Variants in TPCN1 observed in about 807,000 individuals in gnomAD.
TPCN1 encodes the protein two pore channel protein 1.
TPCN1 carries 52 observed loss-of-function variants against 108.8 expected under a neutral mutation model. The observed-to-expected ratio is 0.48, with a 90% CI of 0.38 to 0.60. The LOEUF is 0.60. TPCN1 is among the 20% of genes least tolerant of loss of function. TPCN1 has a pLI of 0.00. For missense variants in TPCN1, 806 were observed against 1,072.8 expected (o/e 0.75, Z 3.47); for synonymous variants, 446 against 433.7 (o/e 1.03, Z -0.35).
intron 15 of TPCN1, among the ~76,000 whole-genome samples, chr12:113,283,274 A>G (rs1955955484): frequency 6.6e-6 from 1 of 152,222 alleles, no homozygotes; most frequent in Non-Finnish European, 1.5e-5. Context: ...AAACAATAGC[A>G]TATTTTATGC....
chr12:113,291,473 C>T, intron 23 of TPCN1, 136 bp from the exon 24 acceptor site: 1 of 741,926 alleles, frequency 1.3e-6, no homozygotes. Flanking sequence ...GGGCAAGCTT[C>T]CTCTCCTCCA....
chr12:113,288,121 G>T lies in TPCN1; in HGVS notation c.1635-42G>T. The T allele has an allele frequency of 1.3e-6, 2 of 1,573,466 alleles. No individual in the cohort carries two copies. Among genetic ancestry groups the T allele is most frequent in the South Asian group, 1.1e-5 (1 of 87,788 alleles). Reference sequence around the variant, plus strand: ...ATGTTCTGAGGGCGGGGGCTGAGGCGTGCACCTGTGTGTGGAGGTGACGGG... The same window carrying T: ...ATGTTCTGAGGGCGGGGGCTGAGGCTTGCACCTGTGTGTGGAGGTGACGGG... On this transcript the variant is annotated intron_variant, in intron 19 of 27. Coordinates refer to ENST00000335509, the MANE Select transcript of TPCN1 (RefSeq NM_017901.6). The surrounding 1 kb of genome is among the most constrained non-coding windows in gnomAD (Gnocchi z 4.8).
chr12:113,279,386 TATA>T (rs1179449632), intron 14 of TPCN1, among the ~76,000 whole-genome samples: 50 of 44,794 alleles, frequency 1.1e-3, no homozygotes, highest in African/African-American at 4.1e-3. Context: ...TATATATATA[TATA>T]TATTTTTTTT....
chr12:113,239,488 C>T (rs1954021666), intron 2 of TPCN1, among the ~76,000 whole-genome samples: 1 of 152,196 alleles, frequency 6.6e-6, no homozygotes, highest in African/African-American at 2.4e-5. Flanking sequence ...CTCTTCTACA[C>T]ATATTCTGGG....
intron 1 of TPCN1, among the ~76,000 whole-genome samples, chr12:113,224,085 A>G (rs957628297): frequency 7.9e-5 from 12 of 152,214 alleles, no homozygotes; most frequent in Admixed American, 4.6e-4. Context: ...ATGAGCAAGT[A>G]TATATTGATG....
rs1953216128 is a variant in TPCN1, at chr12:113,221,470, G to A, written c.-282G>A. The A allele has an allele frequency of 6.0e-6, 2 of 335,928 alleles. No individual in the cohort carries two copies. Among genetic ancestry groups the A allele is most frequent in the East Asian group, 7.7e-5 (1 of 12,950 alleles). 20.8% of individuals were successfully genotyped at this position (335,928 alleles called of 1,614,324 possible). A position where few individuals can be genotyped will look rare whatever the true frequency, so the allele number is the denominator to read the frequency against. ...CGGTAGGCGGTGGATAGGAGAGCTGGCGCAGCTGCCCTGGTGGCAGTGGCT... is the reference window on the plus strand; with the variant it reads ...CGGTAGGCGGTGGATAGGAGAGCTGACGCAGCTGCCCTGGTGGCAGTGGCT... On this transcript the variant is annotated 5_prime_UTR_variant, in exon 1 of 28. Coordinates refer to ENST00000335509, the MANE Select transcript of TPCN1 (RefSeq NM_017901.6).
chr12:113,282,082 G>A (rs1378587005), intron 15 of TPCN1, among the ~76,000 whole-genome samples: 6 of 140,422 alleles, frequency 4.3e-5, no homozygotes, highest in Non-Finnish European at 6.1e-5. Flanking sequence ...CACCACACCC[G>A]GCTAATTTTT....
Position 113,269,735 on chromosome 12 carries a change from G to T in TPCN1, c.660-22G>T. On this transcript the variant is annotated intron_variant, in intron 6 of 27. Coordinates refer to ENST00000335509, the MANE Select transcript of TPCN1 (RefSeq NM_017901.6). This position sits in a 1 kb window ranked among gnomAD's most constrained non-coding sequence, Gnocchi z 5.0. ...GCCCGCCCCAGCTGGTGCCTCCCCT[G>T]AGCTGGCCCATCTCTCCCCAGCAAC... The T allele has an allele frequency of 6.2e-7, 1 of 1,610,696 alleles. No individual in the cohort carries two copies.
At position 113,268,198 on chromosome 12, in the gene TPCN1, G is replaced by A. The variant is rs765748630; in HGVS notation, c.528+242G>A. Among the ~76,000 whole-genome samples the A allele has an allele frequency of 2.0e-5, 3 of 152,220 alleles. No individual in the cohort carries two copies. The highest frequency in any genetic ancestry group is 6.5e-5 in the Admixed American group (1 of 15,290). ...GCCAGGCACTGGCGCAGTCACCTTC[G>A]AGAGAGATGTGCTGCTCTCCGTGGT... On this transcript the variant is annotated intron_variant, in intron 5 of 27. Transcript: ENST00000335509. This position sits in a 1 kb window ranked among gnomAD's most constrained non-coding sequence, Gnocchi z 7.3.
intron 2 of TPCN1, 22 bp downstream of exon 2, chr12:113,226,986 G>T (rs758623586): frequency 6.3e-7 from 1 of 1,596,122 alleles, no homozygotes; most frequent in East Asian, 2.2e-5. Context: ...GGGTGGGCTG[G>T]GGGGACCCCA....
At chr12:113,291,993 T>A in intron 25 of TPCN1, 35 bp downstream of exon 25, 1 of 1,577,764 alleles carries the variant, frequency 6.3e-7, no homozygotes, top group Non-Finnish European at 8.7e-7. Context: ...GCATTTGATA[T>A]CTGCCGCCTA....
chr12:113,266,075 C>T lies in TPCN1; in HGVS notation c.238-105C>T. 2 of 1,266,644 alleles carry T rather than the reference C, an allele frequency of 1.6e-6. No homozygotes were observed. The highest frequency in any genetic ancestry group is 2.2e-6 in the Non-Finnish European group (2 of 896,482). 78.5% of individuals were successfully genotyped at this position (1,266,644 alleles called of 1,614,324 possible). ...CATCTTCTGTCTCTGGCCTGAATCTCTCCTCGCCTGCCTGGGGCCTTCCTT... is the reference window on the plus strand; with the variant it reads ...CATCTTCTGTCTCTGGCCTGAATCTTTCCTCGCCTGCCTGGGGCCTTCCTT... On this transcript the variant is annotated intron_variant, in intron 3 of 27. Coordinates refer to ENST00000335509, the MANE Select transcript of TPCN1 (RefSeq NM_017901.6). The surrounding 1 kb of genome is among the most constrained non-coding windows in gnomAD (Gnocchi z 4.2).
intron 19 of TPCN1, among the ~76,000 whole-genome samples, chr12:113,287,595 G>T (rs1475846121): frequency 6.6e-6 from 1 of 152,208 alleles, no homozygotes; most frequent in African/African-American, 2.4e-5. Context: ...TGCCCTCAGA[G>T]CCTGGGCTTG....
intron 2 of TPCN1, among the ~76,000 whole-genome samples, chr12:113,252,099 C>CCA (rs1954659298): frequency 6.6e-6 from 1 of 152,094 alleles, no homozygotes; most frequent in African/African-American, 2.4e-5. Flanking sequence ...CTTGGTCCTT[C>CCA]CTGTCTCAGT....
Position 113,273,583 on chromosome 12 carries a change from T to A in TPCN1, c.857T>A (p.Met286Lys). 6.2e-7 allele frequency: 1 copy of A among 1,614,142 alleles called. No homozygotes were observed. Among genetic ancestry groups the A allele is most frequent in the Non-Finnish European group, 8.5e-7 (1 of 1,179,982 alleles). Residue 286 changes from methionine (M) to lysine (K), a missense_variant, in exon 10 of 28, where the codon ATG becomes AAG. Met to Lys is a moderately conservative substitution (Grantham distance 95). Coordinates refer to ENST00000335509, the MANE Select transcript of TPCN1 (RefSeq NM_017901.6). This position sits in a 1 kb window ranked among gnomAD's most constrained non-coding sequence, Gnocchi z 4.0. ...TGCAAATACAGTTTCCCAGATGTGATGATGCCCTCCTACTCCCGGAACCCC... is the reference window on the plus strand; with the variant it reads ...TGCAAATACAGTTTCCCAGATGTGAAGATGCCCTCCTACTCCCGGAACCCC... ...LLTTANFPDV[M>K]MPSYSRNPWS... is the part of the protein sequence containing the mutation.
intron 14 of TPCN1, 96 bp from the exon 15 acceptor site, chr12:113,280,055 G>GT (rs978189496): frequency 2.1e-6 from 2 of 945,046 alleles, no homozygotes; most frequent in African/African-American, 3.2e-5. Context: ...GTGGTAGGTG[G>GT]TTGCACCTGC....
At position 113,293,343 on chromosome 12, in the gene TPCN1, G is replaced by A; in HGVS notation, c.2328G>A (p.Glu776=). 6.2e-7 allele frequency: 1 copy of A among 1,613,966 alleles called. No individual in the cohort carries two copies. Among genetic ancestry groups the A allele is most frequent in the South Asian group, 1.1e-5 (1 of 91,074 alleles). The change falls in exon 27 of 28, where the codon GAG becomes GAA. Residue 776 remains glutamate, a synonymous_variant. Coordinates refer to ENST00000335509, the MANE Select transcript of TPCN1 (RefSeq NM_017901.6). The stretch of plus-strand genomic sequence containing the variant: ...TGAGCCTGAAGATGTACCAGGAGGA[G>A]ATCCAGGTAGGAGCCTGGCCGACCA... ...SDLSLKMYQE[E]IQEWYEEHAR...
rs1276497669 is a variant in TPCN1, at chr12:113,284,037, T to C, written c.1343-544T>C. 6.6e-6 allele frequency among the ~76,000 whole-genome samples: 1 copy of C among 152,192 alleles called. No individual in the cohort carries two copies. The highest frequency in any genetic ancestry group is 1.5e-5 in the Non-Finnish European group (1 of 68,036). ...AATGTATCGTAGTCTGTTCAACCAG[T>C]CCCCTACTGATGATCATTGAGATTG... On this transcript the variant is annotated intron_variant, in intron 15 of 27. Coordinates refer to ENST00000335509, the MANE Select transcript of TPCN1 (RefSeq NM_017901.6). The surrounding 1 kb of genome is among the most constrained non-coding windows in gnomAD (Gnocchi z 4.1).
intron 18 of TPCN1, among the ~76,000 whole-genome samples, chr12:113,286,531 C>T (rs1403935182): frequency 1.5e-5 from 2 of 129,410 alleles, no homozygotes; most frequent in East Asian, 3.0e-4. Flanking sequence ...TGGGGCAGGG[C>T]GAGCTGTTCT....
Sources: gnomAD v4.1 joint callset for allele counts (sites outside exome capture counted in the v4.1 genomes callset) on GRCh38, gnomAD v4.1.1 for gene constraint, Gnocchi (gnomAD v3.1) non-coding constraint, MANE v1.5 for transcripts, NCBI Gene and HGNC (gene_info 2026-07-23, HGNC 2026-07-21) for gene names.